Variants in DKK2 observed in about 807,000 individuals in gnomAD.
The protein encoded by DKK2 is dickkopf-related protein 2.
DKK2 carries 11 observed loss-of-function variants against 28.1 expected under a neutral mutation model. The ratio of observed to expected loss-of-function variants is 0.39; its 90% CI spans 0.25 to 0.65. DKK2 has a LOEUF of 0.65. Among genes scored for constraint, DKK2 ranks in the 30% least tolerant of loss-of-function variants. DKK2 has a pLI of 0.47. For missense variants in DKK2, 326 were observed against 335.5 expected (o/e 0.97, Z 0.22); for synonymous variants, 135 against 126.5 (o/e 1.07, Z -0.45).
intron 1 of DKK2, among the ~76,000 whole-genome samples, chr4:107,020,674 C>T (rs1275729635): frequency 6.6e-6 from 1 of 151,872 alleles, no homozygotes; most frequent in Non-Finnish European, 1.5e-5. Context: ...TTAAATCAAG[C>T]CATGCACAGA....
chr4:106,940,659 C>T (rs1220011959), intron 1 of DKK2, among the ~76,000 whole-genome samples: 5 of 150,546 alleles, frequency 3.3e-5, no homozygotes, highest in Non-Finnish European at 7.4e-5. Context: ...CACATGCACA[C>T]GTATGTTTAT....
At chr4:106,962,714 A>G (rs564091272) in intron 1 of DKK2, among the ~76,000 whole-genome samples, 29 of 152,254 alleles carry the variant, frequency 1.9e-4, no homozygotes, top group African/African-American at 7.0e-4. Context: ...TTTCTTGAGT[A>G]AGACCTCAAA....
In DKK2 at chr4:107,011,690, A is replaced by AGTGT. The variant is rs112855833; in HGVS notation, c.222+23676_222+23679dup. On this transcript the variant is annotated intron_variant, in intron 1 of 3. Transcript: ENST00000285311. ...GGAAATTAGCATATATCTTTGTCTG[A>AGTGT]GTGTGTGTGTGTGTGTGTGTGTGGG... Among the ~76,000 whole-genome samples, 757 of 146,886 alleles carry AGTGT rather than the reference A, an allele frequency of 5.2e-3. 2 individuals carry two copies. The highest frequency in any genetic ancestry group is 0.017 in the East Asian group (86 of 5,008).
chr4:106,968,637 A>C (rs569477047), intron 1 of DKK2, among the ~76,000 whole-genome samples: 1 of 152,254 alleles, frequency 6.6e-6, no homozygotes, highest in South Asian at 2.1e-4. Flanking sequence ...TCTGTGACAC[A>C]GTGCGCCTAA....
chr4:107,035,139 G>A (rs532308299), intron 1 of DKK2, among the ~76,000 whole-genome samples: 49 of 152,210 alleles, frequency 3.2e-4, no homozygotes, highest in Non-Finnish European at 5.1e-4. Context: ...ACGCCCCAGA[G>A]CAAAGGCGAG....
At chr4:106,994,087 A>G (rs1723239639) in intron 1 of DKK2, among the ~76,000 whole-genome samples, 1 of 152,172 alleles carries the variant, frequency 6.6e-6, no homozygotes, top group Non-Finnish European at 1.5e-5. Flanking sequence ...GAACCTAAAG[A>G]GCATTTTGTG....
chr4:106,973,693 A>T (rs1429188895), intron 1 of DKK2, among the ~76,000 whole-genome samples: 1 of 151,952 alleles, frequency 6.6e-6, no homozygotes, highest in African/African-American at 2.4e-5. Context: ...TTGCCTGTTC[A>T]CTCTGATGAT....
intron 1 of DKK2, among the ~76,000 whole-genome samples, chr4:106,951,519 C>T (rs1245390331): frequency 3.3e-5 from 5 of 152,098 alleles, no homozygotes. Context: ...AAGAATGAAA[C>T]CGTGTCATTT....
rs114317553 is a variant in DKK2, at chr4:106,961,005, C to G, written c.223-35056G>C. Among the ~76,000 whole-genome samples, 752 of 152,178 alleles carry G rather than the reference C, an allele frequency of 4.9e-3. 4 individuals are homozygous for G. The highest frequency in any genetic ancestry group is 0.017 in the African/African-American group (700 of 41,540). The stretch of plus-strand genomic sequence containing the variant: ...TACAATTATACATATTTAGAAGGGT[C>G]CAAGCATTCGCTCTTTCTCTTCTCT... On this transcript the variant is annotated intron_variant, in intron 1 of 3. Coordinates refer to ENST00000285311, the MANE Select transcript of DKK2 (RefSeq NM_014421.3).
chr4:106,964,813 G>A (rs542226153), intron 1 of DKK2, among the ~76,000 whole-genome samples: 2 of 152,148 alleles, frequency 1.3e-5, no homozygotes, highest in African/African-American at 4.8e-5. Flanking sequence ...CTCAAGCCTG[G>A]AACACCAATT....
Position 107,014,497 on chromosome 4 carries a change from C to A in DKK2, c.222+20873G>T, listed in dbSNP as rs182569200. 2.0e-5 allele frequency among the ~76,000 whole-genome samples: 3 copies of A among 151,126 alleles called. No individual in the cohort carries two copies. In the East Asian group the frequency reaches 5.8e-4, roughly 29 times the overall value. On this transcript the variant is annotated intron_variant, in intron 1 of 3. Coordinates refer to ENST00000285311, the MANE Select transcript of DKK2 (RefSeq NM_014421.3). Reference sequence around the variant, plus strand: ...ACCAGAGACTAAGAAAGGAGGGGAGCAGGGAGAGGGATGGGGAGGGGCTGG... The same window carrying A: ...ACCAGAGACTAAGAAAGGAGGGGAGAAGGGAGAGGGATGGGGAGGGGCTGG...
At chr4:106,967,580 C>T (rs17431749) in intron 1 of DKK2, among the ~76,000 whole-genome samples, 17,700 of 152,104 alleles carry the variant, frequency 0.12, 1,131 homozygotes, top group African/African-American at 0.17. Flanking sequence ...AAACAGGAAG[C>T]TACAGGATTT....
chr4:107,030,982 G>T (rs1209550520), intron 1 of DKK2, among the ~76,000 whole-genome samples: 4 of 151,938 alleles, frequency 2.6e-5, no homozygotes, highest in African/African-American at 7.2e-5. Flanking sequence ...GCTGGAGTAA[G>T]TTTGAGCAAC....
At chr4:106,950,935 C>T (rs1724849257) in intron 1 of DKK2, among the ~76,000 whole-genome samples, 1 of 152,070 alleles carries the variant, frequency 6.6e-6, no homozygotes, top group Non-Finnish European at 1.5e-5. Flanking sequence ...ATATTACCAG[C>T]CCCGCAAGTC....
At chr4:106,938,388 C>A (rs1203002597) in intron 1 of DKK2, among the ~76,000 whole-genome samples, 1 of 152,092 alleles carries the variant, frequency 6.6e-6, no homozygotes, top group Non-Finnish European at 1.5e-5. Context: ...ATAAATTCCT[C>A]GACACCTACA....
intron 1 of DKK2, among the ~76,000 whole-genome samples, chr4:106,975,637 T>C (rs1374271800): frequency 6.6e-6 from 1 of 152,152 alleles, no homozygotes. Context: ...TCTTTCCTTC[T>C]TTATTAGTCT....
rs202160143 is a variant in DKK2, at chr4:107,035,424, G to T, written c.168C>A (p.Gly56=). ...TPGQAANRSA[G]MYQGLAFGGS... ...CGCCGAATGCCAGTCCTTGGTACAT[G>T]CCCGCAGATCGATTGGCGGCCTGAC... The change falls in exon 1 of 4, where the codon GGC becomes GGA. Residue 56 remains glycine, a synonymous_variant. Coordinates refer to ENST00000285311, the MANE Select transcript of DKK2 (RefSeq NM_014421.3). The T allele has an allele frequency of 3.7e-6, 6 of 1,614,216 alleles. No individual in the cohort carries two copies. In the Admixed American group the frequency reaches 1.0e-4, roughly 27 times the overall value.
intron 1 of DKK2, among the ~76,000 whole-genome samples, chr4:106,932,940 G>T (rs1318561670): frequency 6.6e-6 from 1 of 152,114 alleles, no homozygotes; most frequent in Non-Finnish European, 1.5e-5. Context: ...AAAATTGATT[G>T]GTTGAGTGAC....
rs147411317 is a variant in DKK2 at position 107,032,635 on chromosome 4, T to A, written c.222+2735A>T. ...AGAACACCAAGGACTGAGTTTCCAA[T>A]CTGCCTACTTGAAGCTGCATCCTAG... is the stretch of plus-strand genomic sequence containing the variant. On this transcript the variant is annotated intron_variant, in intron 1 of 3. Transcript: ENST00000285311. 5.6e-3 allele frequency among the ~76,000 whole-genome samples: 849 copies of A among 152,248 alleles called. 5 individuals carry two copies. The highest frequency in any genetic ancestry group is 6.9e-3 in the Non-Finnish European group (472 of 67,950).
Sources: gnomAD v4.1 joint callset for allele counts (sites outside exome capture counted in the v4.1 genomes callset) on GRCh38, gnomAD v4.1.1 for gene constraint, MANE v1.5 for transcripts, NCBI Gene and HGNC (gene_info 2026-07-23, HGNC 2026-07-21) for gene names.